Variants in WDFY4 observed in about 807,000 individuals in gnomAD.
WDFY4 encodes the protein WDFY family member 4, also known as WD repeat- and FYVE domain-containing protein 4.
Under a neutral mutation model 351.9 loss-of-function variants are expected in WDFY4, and 169 were observed. The ratio of observed to expected loss-of-function variants is 0.48; its 90% CI spans 0.42 to 0.55. The LOEUF (loss-of-function observed/expected upper bound fraction) is 0.55. Ranked by LOEUF, WDFY4 falls within the 20% of genes least tolerant of loss-of-function variation. The pLI is 0.00. For missense variants in WDFY4, 3,803 were observed against 3,935.6 expected (o/e 0.97, Z 0.90); for synonymous variants, 1,622 against 1,574.6 (o/e 1.03, Z -0.71).
At chr10:48,739,676 C>T (rs1019176406) in intron 11 of WDFY4, among the ~76,000 whole-genome samples, 2 of 152,062 alleles carry the variant, frequency 1.3e-5, no homozygotes, top group African/African-American at 4.8e-5. Context: ...AATGAGATTA[C>T]CCCCATTTTA....
chr10:48,911,297 G>A (rs1246298239), intron 47 of WDFY4, among the ~76,000 whole-genome samples: 6 of 152,306 alleles, frequency 3.9e-5, no homozygotes, highest in Non-Finnish European at 5.9e-5. Flanking sequence ...CAAGGATGCC[G>A]GGAAATGGGT....
At chr10:48,956,345 A>T (rs1841588176) in intron 51 of WDFY4, among the ~76,000 whole-genome samples, 1 of 151,890 alleles carries the variant, frequency 6.6e-6, no homozygotes, top group Non-Finnish European at 1.5e-5. Context: ...TTGAACCTGA[A>T]ATTTCTCCAT....
intron 39 of WDFY4, among the ~76,000 whole-genome samples, chr10:48,834,582 G>A (rs1212021257): frequency 6.6e-6 from 1 of 152,216 alleles, no homozygotes; most frequent in South Asian, 2.1e-4. Flanking sequence ...ATTCCCACTT[G>A]TGCCCATATA....
intron 5 of WDFY4, 105 bp downstream of exon 5, chr10:48,723,672 C>A: frequency 6.9e-7 from 1 of 1,444,840 alleles, no homozygotes; most frequent in Non-Finnish European, 9.3e-7. Flanking sequence ...GCCCTGGTTC[C>A]TGAACTCCTC....
rs1370262903 is a variant in WDFY4, at chr10:48,828,799, G to A, written c.6243G>A (p.Leu2081=). ...NERSYPEGFG[L]EPKPRMSTYH... ...CTAGTTACCCAGAAGGATTTGGATT[G>A]GAGCCCAAGCCTAGAATGTCTACTT... Residue 2081 remains leucine, a synonymous_variant, in exon 37 of 62, where the codon TTG becomes TTA. Coordinates refer to ENST00000325239, the MANE Select transcript of WDFY4 (RefSeq NM_001394531.1). The A allele has an allele frequency of 1.3e-6, 2 of 1,548,382 alleles. No individual in the cohort carries two copies. Among genetic ancestry groups the A allele is most frequent in the Admixed American group, 4.0e-5 (2 of 50,276 alleles).
At chr10:48,757,079 A>G (rs1365341586) in intron 12 of WDFY4, among the ~76,000 whole-genome samples, 1 of 152,106 alleles carries the variant, frequency 6.6e-6, no homozygotes, top group Non-Finnish European at 1.5e-5. Flanking sequence ...CTTTGTGGGC[A>G]GGTTTTTAGC....
intron 40 of WDFY4, 111 bp from the exon 41 acceptor site, chr10:48,873,380 T>C: frequency 8.1e-7 from 1 of 1,234,672 alleles, no homozygotes; most frequent in Non-Finnish European, 1.1e-6. Context: ...GAAGGTATCT[T>C]TCTCAAACAT....
chr10:48,731,723 C>G (rs2064466810), intron 9 of WDFY4, among the ~76,000 whole-genome samples, 161 bp downstream of exon 9: 1 of 152,242 alleles, frequency 6.6e-6, no homozygotes, highest in Admixed American at 6.5e-5. Context: ...GACAGGCAGC[C>G]ACCCAGTCTT....
chr10:48,948,280 C>A (rs1374689666), intron 51 of WDFY4, among the ~76,000 whole-genome samples: 2 of 152,174 alleles, frequency 1.3e-5, no homozygotes, highest in Non-Finnish European at 2.9e-5. Context: ...CTTTCTCAGG[C>A]AAAAAGCATT....
At chr10:48,941,754 T>C in intron 47 of WDFY4, 52 bp from the exon 48 acceptor site, 1 of 1,543,768 alleles carries the variant, frequency 6.5e-7, no homozygotes, top group Non-Finnish European at 8.8e-7. Flanking sequence ...CTCCCCTGTT[T>C]GTATTCTTGC....
At chr10:48,930,698 T>C (rs1839941280) in intron 47 of WDFY4, among the ~76,000 whole-genome samples, 1 of 151,934 alleles carries the variant, frequency 6.6e-6, no homozygotes, top group Admixed American at 6.6e-5. Flanking sequence ...TAAAAAAAAA[T>C]TAGAAACAAC....
rs566703935 is a variant in WDFY4, at chr10:48,965,080, G to A, written c.8436+1026G>A. 2.1e-3 allele frequency among the ~76,000 whole-genome samples: 313 copies of A among 152,318 alleles called. 5 individuals carry two copies. Among genetic ancestry groups the A allele is most frequent in the African/African-American group, 7.2e-3 (300 of 41,576 alleles). ...GGAAAGAATTTCAGGAAATAAGCCT[G>A]TTAGCCTAATGGTTTCATTTCTTGA... On this transcript the variant is annotated intron_variant, in intron 54 of 61. Transcript: ENST00000325239.
intron 2 of WDFY4, among the ~76,000 whole-genome samples, chr10:48,719,747 G>A (rs1441109164): frequency 1.3e-5 from 2 of 152,220 alleles, no homozygotes; most frequent in African/African-American, 4.8e-5. Context: ...AGGCTGTGGG[G>A]AAGGCGGTGG....
At chr10:48,778,904 C>T (rs1565188021) in intron 18 of WDFY4, 72 bp downstream of exon 18, 2 of 1,496,354 alleles carry the variant, frequency 1.3e-6, no homozygotes, top group South Asian at 1.2e-5. Context: ...AAGCTCTCAA[C>T]ACAGGTGTGG....
chr10:48,905,603 G>A (rs978378904), intron 47 of WDFY4, among the ~76,000 whole-genome samples: 1 of 152,176 alleles, frequency 6.6e-6, no homozygotes, highest in South Asian at 2.1e-4. Flanking sequence ...GGAGACCCTT[G>A]GAGAAGCTTC....
In WDFY4 at chr10:48,828,882, C is replaced by T; in HGVS notation, c.6326C>T (p.Pro2109Leu). ...GTGAAAGAAAAAAGAGAAGACTTAC[C>T]AAGTTTGAGTGATGGTACATTTTAT... ...EDVKEKREDL[P>L]SLSDVQHNIQ... The change falls in exon 37 of 62, where the codon CCA (proline) becomes CTA (leucine). Residue 2109 changes from proline (P) to leucine (L), a missense_variant. Coordinates refer to ENST00000325239, the MANE Select transcript of WDFY4 (RefSeq NM_001394531.1). 7.4e-7 allele frequency: 1 copy of T among 1,352,492 alleles called. No individual in the cohort carries two copies. Among genetic ancestry groups the T allele is most frequent in the Non-Finnish European group, 9.7e-7 (1 of 1,034,490 alleles). 83.8% of individuals were successfully genotyped at this position (1,352,492 alleles called of 1,614,324 possible).
chr10:48,853,753 TC>T (rs1182377373), intron 39 of WDFY4, among the ~76,000 whole-genome samples: 2 of 152,340 alleles, frequency 1.3e-5, no homozygotes, highest in Admixed American at 1.3e-4. Flanking sequence ...GTCATACCAG[TC>T]CCCTCTTCTG....
Position 48,715,614 on chromosome 10 carries a change from A to G in WDFY4, c.235-4397A>G, listed in dbSNP as rs79355139. Among the ~76,000 whole-genome samples the G allele has an allele frequency of 2.0e-5, 3 of 152,194 alleles. No individual in the cohort carries two copies. In the East Asian group the frequency reaches 5.8e-4, roughly 29 times the overall value. ...ATTAAATACAATAGCAAAGATGACCAAGAATTATTTTTTTATTTTTTTTAT... is the reference window on the plus strand; with the variant it reads ...ATTAAATACAATAGCAAAGATGACCGAGAATTATTTTTTTATTTTTTTTAT... On this transcript the variant is annotated intron_variant, in intron 2 of 61. Coordinates refer to ENST00000325239, the MANE Select transcript of WDFY4 (RefSeq NM_001394531.1).
At chr10:48,813,729 T>C (rs1236461632) in intron 30 of WDFY4, among the ~76,000 whole-genome samples, 1 of 152,236 alleles carries the variant, frequency 6.6e-6, no homozygotes, top group Admixed American at 6.5e-5. Flanking sequence ...ATAACTGAAC[T>C]ACATGCCAGT....
Sources: allele counts gnomAD v4.1 joint callset (sites outside exome capture counted in the v4.1 genomes callset), GRCh38; gene constraint gnomAD v4.1.1; transcripts MANE v1.5; gene names NCBI Gene and HGNC (gene_info 2026-07-23, HGNC 2026-07-21).